CPSF1: variants seen among roughly 807,000 people sequenced by gnomAD.
The protein encoded by CPSF1 is cleavage and polyadenylation specificity factor subunit 1.
In CPSF1, 106 loss-of-function variants were observed where a neutral mutation model predicts 175.8. The observed-to-expected ratio is 0.60, with a 90% CI of 0.52 to 0.71. CPSF1 has a LOEUF of 0.71. CPSF1 is among the 30% of genes least tolerant of loss of function. CPSF1 has a pLI of 0.00. For synonymous variants in CPSF1, 1,024 were observed against 858.3 expected (o/e 1.19, Z -3.37); for missense variants, 1,734 against 2,022.9 (o/e 0.86, Z 2.74).
chr8:144,397,917 G>A (rs1820874651), intron 20 of CPSF1, 37 bp downstream of exon 20: 2 of 1,599,212 alleles, frequency 1.3e-6, no homozygotes, highest in Non-Finnish European at 1.7e-6. Flanking sequence ...CGGGCAAGGG[G>A]CAGGGACAGG....
At chr8:144,406,790 C>T (rs1264240773) in intron 2 of CPSF1, among the ~76,000 whole-genome samples, 1 of 152,216 alleles carries the variant, frequency 6.6e-6, no homozygotes, top group Non-Finnish European at 1.5e-5. Context: ...AGCCAATCTA[C>T]GGTGGCCAGC....
chr8:144,401,363 T>C (rs1189567018), intron 4 of CPSF1, 67 bp downstream of exon 4: 24 of 1,611,648 alleles, frequency 1.5e-5, no homozygotes, highest in Non-Finnish European at 5.1e-6. Flanking sequence ...AACCAACGGC[T>C]GTACCCAGGC....
chr8:144,397,381 G>A lies in CPSF1; in HGVS notation c.2418C>T (p.Phe806=). Residue 806 remains phenylalanine (F), a synonymous_variant, in exon 23 of 38, where the codon TTC becomes TTT. Coordinates refer to ENST00000616140, the MANE Select transcript of CPSF1 (RefSeq NM_013291.3). The part of the protein sequence containing the change: ...IYQLPDWRLV[F]LVKNFPVGQR... Reference sequence around the variant, plus strand: ...GCCCCACAGGGAAGTTCTTCACCAGGAACACCAGCCGCCAGTCGGGAAGCT... The same window carrying A: ...GCCCCACAGGGAAGTTCTTCACCAGAAACACCAGCCGCCAGTCGGGAAGCT... The A allele has an allele frequency of 6.4e-7, 1 of 1,568,380 alleles. No homozygotes were observed. The highest frequency in any genetic ancestry group is 8.6e-7 in the Non-Finnish European group (1 of 1,156,980).
chr8:144,398,903 T>C, intron 16 of CPSF1, 35 bp from the exon 17 acceptor site: 1 of 1,609,330 alleles, frequency 6.2e-7, no homozygotes, highest in Non-Finnish European at 8.5e-7. Flanking sequence ...GTGATGGGGG[T>C]GTGAGCCCAC....
In CPSF1 at chr8:144,394,900, C is replaced by T. The variant is rs781920900; in HGVS notation, c.3396G>A (p.Glu1132=). 2.2e-5 allele frequency: 35 copies of T among 1,612,218 alleles called. No individual in the cohort carries two copies. The highest frequency in any genetic ancestry group is 2.9e-5 in the Non-Finnish European group (34 of 1,179,624). ...AAGTCLMQGE[E]VTCRGRILIM... Reference sequence around the variant, plus strand: ...CCCTTACCCGCCCTCGGCACGTGACCTCCTCCCCCTGCATGAGGCAGGTCC... The same window carrying T: ...CCCTTACCCGCCCTCGGCACGTGACTTCCTCCCCCTGCATGAGGCAGGTCC... The change falls in exon 30 of 38, where the codon GAG becomes GAA. Residue 1132 remains glutamate (E), a synonymous_variant. Coordinates refer to ENST00000616140, the MANE Select transcript of CPSF1 (RefSeq NM_013291.3).
chr8:144,396,561 C>T, intron 25 of CPSF1, 37 bp downstream of exon 25: 1 of 1,608,304 alleles, frequency 6.2e-7, no homozygotes, highest in Non-Finnish European at 8.5e-7. Context: ...GCCGCGTCTC[C>T]CTTCTACCAC....
intron 26 of CPSF1, 105 bp from the exon 27 acceptor site, chr8:144,395,656 G>GCA: frequency 1.1e-6 from 1 of 943,534 alleles, no homozygotes; most frequent in Non-Finnish European, 1.6e-6. Flanking sequence ...AGCTCTGTGG[G>GCA]AGCAGGGGTG....
intron 1 of CPSF1, 45 bp from the exon 2 acceptor site, chr8:144,409,217 A>C (rs1821664008): frequency 6.8e-7 from 1 of 1,460,710 alleles, no homozygotes; most frequent in East Asian, 2.7e-5. Context: ...TCGCCCACGC[A>C]GGAGCCCGGC....
chr8:144,402,053 G>A (rs1411124524), intron 2 of CPSF1, among the ~76,000 whole-genome samples: 1 of 152,212 alleles, frequency 6.6e-6, no homozygotes, highest in Non-Finnish European at 1.5e-5. Context: ...AATGTCACAG[G>A]GCAGGAAGCC....
rs1554862058 is a variant in CPSF1 at position 144,393,491 on chromosome 8, G to A, written c.4245C>T (p.Arg1415=). The A allele has an allele frequency of 1.3e-6, 2 of 1,575,538 alleles. No individual in the cohort carries two copies. The highest frequency in any genetic ancestry group is 1.7e-6 in the Non-Finnish European group (2 of 1,162,338). The part of the protein sequence containing the change: ...NRYLYLSTME[R]SELAKKIGTT... ...TGCCGATCTTCTTGGCTAGCTCGCT[G>A]CGCTCCATGGTGCTCAGGTACAGGT... Residue 1415 remains arginine (R), a synonymous_variant, in exon 37 of 38, where the codon CGC becomes CGT. Transcript: ENST00000616140.
At position 144,401,479 on chromosome 8, in the gene CPSF1, A is replaced by G; in HGVS notation, c.257T>C (p.Leu86Pro). The change falls in exon 4 of 38, where the codon CTG (leucine) becomes CCG (proline). Residue 86 changes from leucine to proline, a missense_variant. By Grantham distance (98) the Leu-to-Pro change is moderately conservative (BLOSUM62 -3). Transcript: ENST00000616140. ...GNVMSMASVQ[L>P]AGAKRDALLL... ...CAGGGCATCCCGCTTGGCTCCTGCC[A>G]GCTGCACGCTGGCCATGGACATGAC... 6.2e-7 allele frequency: 1 copy of G among 1,614,018 alleles called. No individual in the cohort carries two copies. Among genetic ancestry groups the G allele is most frequent in the South Asian group, 1.1e-5 (1 of 91,082 alleles).
At position 144,393,279 on chromosome 8, in the gene CPSF1, A is replaced by C; in HGVS notation, c.*39T>G. 1 of 1,469,422 alleles carries C rather than the reference A, an allele frequency of 6.8e-7. No individual in the cohort carries two copies. The highest frequency in any genetic ancestry group is 9.1e-7 in the Non-Finnish European group (1 of 1,102,544). 91.0% of individuals were successfully genotyped at this position (1,469,422 alleles called of 1,614,324 possible). ...GTGTTTTGTACAAAAAGGGGGTGGGAGGTAGTTCCGTGTGCTGGTGGTGAC... is the reference window on the plus strand; with the variant it reads ...GTGTTTTGTACAAAAAGGGGGTGGGCGGTAGTTCCGTGTGCTGGTGGTGAC... On this transcript the variant is annotated 3_prime_UTR_variant, in exon 38 of 38. Coordinates refer to ENST00000616140, the MANE Select transcript of CPSF1 (RefSeq NM_013291.3).
Position 144,397,899 on chromosome 8 carries a change from C to T in CPSF1, c.2074-20G>A. The T allele has an allele frequency of 6.3e-7, 1 of 1,599,858 alleles. No homozygotes were observed. On this transcript the variant is annotated intron_variant, in intron 20 of 37. Coordinates refer to ENST00000616140, the MANE Select transcript of CPSF1 (RefSeq NM_013291.3). The stretch of plus-strand genomic sequence containing the variant: ...GGACTGCTGCGGGGAGAGGGGTGGG[C>T]TCAGCGGCGGGCAAGGGGCAGGGAC...
chr8:144,395,782 G>T (rs1820686288), intron 26 of CPSF1: 2 of 588,960 alleles, frequency 3.4e-6, no homozygotes, highest in Non-Finnish European at 3.0e-6. Context: ...GGCCACAGGG[G>T]ATGGGAAAGC....
chr8:144,409,183 C>T lies in CPSF1; in HGVS notation c.-14-11G>A, dbSNP rs2116913630. On this transcript the variant is annotated splice_polypyrimidine_tract_variant and intron_variant, in intron 1 of 37. Transcript: ENST00000616140. ...TGGCGCCAACCCGGGCTGCGCAAGG[C>T]CGGGAGAGGAAGGGTGAGCGGGGTC... 1 of 1,590,666 alleles carries T rather than the reference C, an allele frequency of 6.3e-7. No individual in the cohort carries two copies. Among genetic ancestry groups the T allele is most frequent in the Non-Finnish European group, 8.6e-7 (1 of 1,169,144 alleles).
At chr8:144,402,156 G>T (rs1284467959) in intron 2 of CPSF1, among the ~76,000 whole-genome samples, 7 of 94,016 alleles carry the variant, frequency 7.4e-5, no homozygotes, top group Non-Finnish European at 2.2e-4. Flanking sequence ...CCCCCAGGCT[G>T]CCTCTCTATC....
intron 26 of CPSF1, 80 bp from the exon 27 acceptor site, chr8:144,395,631 TGGGATGTTG>T: frequency 8.1e-7 from 1 of 1,231,160 alleles, no homozygotes; most frequent in Non-Finnish European, 1.2e-6. Flanking sequence ...CCAAGAGCCC[TGGGATGTTG>T]CCCTCAGCTC....
rs2116851676 is a variant in CPSF1 at position 144,398,515 on chromosome 8, T to A, written c.1752+10A>T. 13 of 1,593,652 alleles carry A rather than the reference T, an allele frequency of 8.2e-6. 1 individual carries two copies. In the Admixed American group the frequency reaches 2.1e-4, roughly 26 times the overall value. On this transcript the variant is annotated intron_variant, in intron 18 of 37. Coordinates refer to ENST00000616140, the MANE Select transcript of CPSF1 (RefSeq NM_013291.3). ...GCCCCAGGTCCCAGGTCCCAGGCCC[T>A]GCCCCTCACCATGGTGGAGTCTTCC...
Position 144,399,671 on chromosome 8 carries a change from G to C in CPSF1, c.1159C>G (p.Arg387Gly). ...MEPGYLFLGS[R>G]LGNSLLLKYT... ...TTGAGGAGGAGGGAATTGCCCAGGC[G>C]AGAACCCAGGAACAGGTACCCGGGC... The change falls in exon 12 of 38, where the codon CGC becomes GGC. Residue 387 changes from arginine (R) to glycine (G), a missense_variant. Arg to Gly is a moderately radical substitution (Grantham distance 125). This residue lies in a region of CPSF1 where 162 missense variants were observed against 169.5 expected (regional missense o/e 0.96). Transcript: ENST00000616140. The surrounding 1 kb of genome is among the most constrained non-coding windows in gnomAD (Gnocchi z 6.4). 6.2e-7 allele frequency: 1 copy of C among 1,610,544 alleles called. No homozygotes were observed.
Sources: gnomAD v4.1 joint callset for allele counts (sites outside exome capture counted in the v4.1 genomes callset) on GRCh38, gnomAD v4.1.1 for gene constraint, gnomAD v4.1.1 regional missense constraint, Gnocchi (gnomAD v3.1) non-coding constraint, MANE v1.5 for transcripts, NCBI Gene and HGNC (gene_info 2026-07-23, HGNC 2026-07-21) for gene names.